The following NUP85 variants were observed in gnomAD, a reference collection of about 807,000 sequenced individuals.
The protein encoded by NUP85 is nuclear pore complex protein Nup85.
NUP85 carries 23 observed loss-of-function variants against 92.8 expected under a neutral mutation model. The observed-to-expected ratio is 0.25, with a 90% CI of 0.18 to 0.35. The LOEUF (loss-of-function observed/expected upper bound fraction) is 0.35. Ranked by LOEUF, NUP85 falls within the 10% of genes least tolerant of loss-of-function variation. NUP85 has a pLI of 1.00. For synonymous variants in NUP85, 314 were observed against 306.9 expected (o/e 1.02, Z -0.24); for missense variants, 759 against 822.8 (o/e 0.92, Z 0.95).
Position 75,231,107 on chromosome 17 carries a change from T to G in NUP85, c.1095-233T>G. 3 of 488,188 alleles carry G rather than the reference T, an allele frequency of 6.1e-6. No individual in the cohort carries two copies. Among genetic ancestry groups the G allele is most frequent in the Non-Finnish European group, 3.8e-6 (1 of 265,132 alleles). The allele number at this position is 488,188 out of a possible 1,614,324, so 30.2% of individuals were successfully genotyped here. On this transcript the variant is annotated intron_variant, in intron 11 of 18. Coordinates refer to ENST00000245544, the MANE Select transcript of NUP85 (RefSeq NM_024844.5). The surrounding 1 kb of genome is among the most constrained non-coding windows in gnomAD (Gnocchi z 4.6). ...CCACCATGCCTGGCTAATTTTTGTA[T>G]TTGTAGAGATGGGGTTTTGCCATGT...
rs1414771025 is a variant in NUP85, at chr17:75,212,075, TGC to T, written c.361+17_361+18del. On this transcript the variant is annotated intron_variant, in intron 4 of 18. Coordinates refer to ENST00000245544, the MANE Select transcript of NUP85 (RefSeq NM_024844.5). ...CACCAGGTTGCAAGTAAGGACTGTG[TGC>T]GCGTGCGCGCGTGTGTGTGTGTGTG... 1 of 1,506,968 alleles carries T rather than the reference TGC, an allele frequency of 6.6e-7. No homozygotes were observed. Among genetic ancestry groups the T allele is most frequent in the Non-Finnish European group, 8.9e-7 (1 of 1,123,466 alleles). The allele number at this position is 1,506,968 out of a possible 1,614,324, so 93.3% of individuals were successfully genotyped here.
chr17:75,221,701 G>C (rs1382593950), intron 7 of NUP85, among the ~76,000 whole-genome samples: 1 of 152,178 alleles, frequency 6.6e-6, no homozygotes, highest in African/African-American at 2.4e-5. Flanking sequence ...GTAAAAGCTA[G>C]TCTTTTACTT....
chr17:75,213,134 C>G lies in NUP85; in HGVS notation c.405+15C>G, dbSNP rs746014811. 1.2e-6 allele frequency: 2 copies of G among 1,612,848 alleles called. No individual in the cohort carries two copies. Among genetic ancestry groups the G allele is most frequent in the Non-Finnish European group, 1.7e-6 (2 of 1,179,486 alleles). Reference sequence around the variant, plus strand: ...TCAGCAGCCAGGTAAGGGGAGTCACCTTTATTGTTTTAGCACCACTGTGTC... The same window carrying G: ...TCAGCAGCCAGGTAAGGGGAGTCACGTTTATTGTTTTAGCACCACTGTGTC... On this transcript the variant is annotated intron_variant, in intron 5 of 18. Coordinates refer to ENST00000245544, the MANE Select transcript of NUP85 (RefSeq NM_024844.5).
chr17:75,235,231 A>G (rs767599825), intron 18 of NUP85, 30 bp downstream of exon 18: 3 of 1,553,554 alleles, frequency 1.9e-6, no homozygotes, highest in Non-Finnish European at 2.7e-6. Context: ...TGATGGTTCC[A>G]CATGGAGGTG....
Position 75,225,844 on chromosome 17 carries a change from G to A in NUP85, c.987+15G>A. The stretch of plus-strand genomic sequence containing the variant: ...ACTATGCCCAGGTGAGTGAGCTCGG[G>A]GTGGGCAAGGGTGGGGGTAGGAGTC... On this transcript the variant is annotated intron_variant, in intron 10 of 18. Coordinates refer to ENST00000245544, the MANE Select transcript of NUP85 (RefSeq NM_024844.5). 1.2e-6 allele frequency: 2 copies of A among 1,613,910 alleles called. No individual in the cohort carries two copies. Among genetic ancestry groups the A allele is most frequent in the Non-Finnish European group, 8.5e-7 (1 of 1,179,856 alleles).
Position 75,234,668 on chromosome 17 carries a change from G to C in NUP85, c.1647G>C (p.Gly549=). The change falls in exon 17 of 19, where the codon GGG becomes GGC. Residue 549 remains glycine (G), a synonymous_variant. Coordinates refer to ENST00000245544, the MANE Select transcript of NUP85 (RefSeq NM_024844.5). The part of the protein sequence containing the change: ...GKYREFHRMY[G]EKRFADAASL... ...ATCGCGAGTTCCACCGTATGTACGG[G>C]GAGAAGCGTTTTGCCGACGCAGCTT... is the stretch of plus-strand genomic sequence containing the variant. 1.9e-6 allele frequency: 3 copies of C among 1,614,196 alleles called. No homozygotes were observed. In the East Asian group the frequency reaches 6.7e-5, roughly 36 times the overall value.
At chr17:75,212,950 T>A in intron 4 of NUP85, 126 bp from the exon 5 acceptor site, 1 of 918,880 alleles carries the variant, frequency 1.1e-6, no homozygotes, top group Non-Finnish European at 1.7e-6. Flanking sequence ...TAAAAGAGAT[T>A]ATAATGTCTT....
At chr17:75,212,179 C>T in intron 4 of NUP85, 117 bp downstream of exon 4, 3 of 393,348 alleles carry the variant, frequency 7.6e-6, no homozygotes, top group Non-Finnish European at 8.8e-6. Flanking sequence ...CAGTCCAAAA[C>T]TTATTTTTCC....
intron 18 of NUP85, 41 bp downstream of exon 18, chr17:75,235,242 G>A: frequency 6.8e-7 from 1 of 1,460,126 alleles, no homozygotes; most frequent in Non-Finnish European, 9.5e-7. Context: ...CATGGAGGTG[G>A]GAAAAGGCTC....
intron 16 of NUP85, 145 bp downstream of exon 16, chr17:75,233,303 A>C: frequency 1.6e-6 from 1 of 639,924 alleles, no homozygotes; most frequent in East Asian, 2.7e-5. Context: ...CGTCATGTCC[A>C]GGATCATGAG....
intron 5 of NUP85, among the ~76,000 whole-genome samples, chr17:75,214,729 C>T (rs974915472): frequency 1.2e-4 from 18 of 152,026 alleles, no homozygotes; most frequent in Non-Finnish European, 2.4e-4. Context: ...TGGTGGTGTG[C>T]GCCTGTAATC....
intron 11 of NUP85, among the ~76,000 whole-genome samples, chr17:75,227,786 C>T (rs923082532): frequency 1.3e-4 from 20 of 152,056 alleles, no homozygotes; most frequent in African/African-American, 4.6e-4. Flanking sequence ...TACAAGTGTG[C>T]GCCACCATGC....
chr17:75,225,619 C>T (rs1032639614), intron 9 of NUP85, 79 bp from the exon 10 acceptor site: 3 of 1,590,960 alleles, frequency 1.9e-6, no homozygotes, highest in Non-Finnish European at 2.6e-6. Context: ...AATCCGGTGC[C>T]CTTAGCTGAG....
At chr17:75,206,306 T>C (rs1469376151) in intron 1 of NUP85, among the ~76,000 whole-genome samples, 2 of 152,106 alleles carry the variant, frequency 1.3e-5, no homozygotes, top group Non-Finnish European at 2.9e-5. Flanking sequence ...ATAAAAAAAA[T>C]TCACGCGCTT....
chr17:75,215,903 G>T, intron 6 of NUP85, 80 bp downstream of exon 6: 1 of 1,199,896 alleles, frequency 8.3e-7, no homozygotes, highest in Non-Finnish European at 1.2e-6. Context: ...CCTGTGCATG[G>T]TGATGAGTGT....
At chr17:75,224,710 T>C (rs927257949) in intron 7 of NUP85, among the ~76,000 whole-genome samples, 1 of 151,776 alleles carries the variant, frequency 6.6e-6, no homozygotes, top group Non-Finnish European at 1.5e-5. Context: ...CATGCGCCTG[T>C]AATCTCAGCT....
rs1280874554 is a variant in NUP85, at chr17:75,231,905, G to T, written c.1322G>T (p.Arg441Leu). 1 of 1,614,188 alleles carries T rather than the reference G, an allele frequency of 6.2e-7. No individual in the cohort carries two copies. Among genetic ancestry groups the T allele is most frequent in the Non-Finnish European group, 8.5e-7 (1 of 1,180,038 alleles). The stretch of plus-strand genomic sequence containing the variant: ...GTCTCCCTGGAGCTGCACATTGAGC[G>T]GATACCTCTGAACACCGAGCAGAAA... ...GRVSLELHIE[R>L]IPLNTEQKAL... The change falls in exon 14 of 19, where the codon CGG becomes CTG. Residue 441 changes from arginine to leucine, a missense_variant. Transcript: ENST00000245544. This position sits in a 1 kb window ranked among gnomAD's most constrained non-coding sequence, Gnocchi z 4.6.
chr17:75,206,232 TG>T (rs1318373251), intron 1 of NUP85, among the ~76,000 whole-genome samples: 2 of 152,316 alleles, frequency 1.3e-5, no homozygotes, highest in East Asian at 3.9e-4. Flanking sequence ...GTTTTATCGC[TG>T]TGCATTCAAT....
At chr17:75,210,200 C>T (rs1320465253) in intron 3 of NUP85, among the ~76,000 whole-genome samples, 4 of 152,096 alleles carry the variant, frequency 2.6e-5, no homozygotes, top group Non-Finnish European at 5.9e-5. Context: ...GCTTGACAAG[C>T]TTTATTTATA....
Sources: allele counts gnomAD v4.1 joint callset (sites outside exome capture counted in the v4.1 genomes callset), GRCh38; gene constraint gnomAD v4.1.1; non-coding constraint Gnocchi (gnomAD v3.1); transcripts MANE v1.5; gene names NCBI Gene and HGNC (gene_info 2026-07-23, HGNC 2026-07-21).